Variants in KCNK17 observed in about 807,000 individuals in gnomAD.
KCNK17 encodes potassium channel subfamily K member 17.
A neutral mutation model predicts 24.6 loss-of-function variants in KCNK17; 27 were observed. The ratio of observed to expected loss-of-function variants is 1.10; its 90% CI spans 0.81 to 1.51. The LOEUF is 1.51. Among genes scored for constraint, KCNK17 ranks in the 40% most tolerant of loss-of-function variants. KCNK17 has a pLI of 0.00. For missense variants in KCNK17, 450 were observed against 436.6 expected (o/e 1.03, Z -0.27); for synonymous variants, 181 against 189.8 (o/e 0.95, Z 0.38).
intron 2 of KCNK17, among the ~76,000 whole-genome samples, chr6:39,304,897 T>C (rs1762009857): frequency 6.6e-6 from 1 of 152,236 alleles, no homozygotes; most frequent in Non-Finnish European, 1.5e-5. Flanking sequence ...TGCCATATTT[T>C]ACAGGCTGGA....
intron 4 of KCNK17, among the ~76,000 whole-genome samples, chr6:39,301,956 G>A (rs142269077): frequency 3.9e-5 from 6 of 152,242 alleles, no homozygotes; most frequent in African/African-American, 1.4e-4. Flanking sequence ...TCTGAAACAT[G>A]GGTGGTGTGA....
In KCNK17 at chr6:39,299,520, G is replaced by T. The variant is rs761776201; in HGVS notation, c.906C>A (p.Ser302=). ...QGPDREPESH[S]PQQGCYPEGP... ...CCTCTGGATAGCATCCTTGCTGTGG[G>T]GAGTGGGACTCTGGCTCCCGGTCAG... Residue 302 remains serine, a synonymous_variant, in exon 5 of 5, where the codon TCC becomes TCA. Transcript: ENST00000373231. The T allele has an allele frequency of 1.2e-6, 2 of 1,614,204 alleles. No homozygotes were observed. Among genetic ancestry groups the T allele is most frequent in the Admixed American group, 1.7e-5 (1 of 60,026 alleles).
chr6:39,313,731 C>T (rs1265731075), intron 1 of KCNK17, among the ~76,000 whole-genome samples: 1 of 151,786 alleles, frequency 6.6e-6, no homozygotes, highest in Non-Finnish European at 1.5e-5. Flanking sequence ...CGGGCGGGGC[C>T]GGTTACGCGC....
Position 39,304,019 on chromosome 6 carries a change from G to C in KCNK17, c.626C>G (p.Thr209Arg), listed in dbSNP as rs934201289. The C allele has an allele frequency of 6.2e-7, 1 of 1,613,942 alleles. No individual in the cohort carries two copies. Among genetic ancestry groups the C allele is most frequent in the East Asian group, 2.2e-5 (1 of 44,872 alleles). Residue 209 changes from threonine (T) to arginine (R), a missense_variant, in exon 4 of 5, where the codon ACA becomes AGA. Physicochemically the swap from Thr to Arg is moderately conservative, Grantham distance 71. Coordinates refer to ENST00000373231, the MANE Select transcript of KCNK17 (RefSeq NM_031460.4). ...LFSHMEGWSY[T>R]EGFYFAFITL... ...GATGAAGGCGAAGTAGAAGCCCTCT[G>C]TGTAGCTCCAGCCCTCCATGTGGGA...
chr6:39,299,550 C>T lies in KCNK17; in HGVS notation c.876G>A (p.Gln292=). The change falls in exon 5 of 5, where the codon CAG becomes CAA. Residue 292 remains glutamine, a synonymous_variant. Coordinates refer to ENST00000373231, the MANE Select transcript of KCNK17 (RefSeq NM_031460.4). ...KEDFKSQSWR[Q]GPDREPESHS... is the part of the protein sequence containing the mutation. ...GGGACTCTGGCTCCCGGTCAGGTCC[C>T]TGTCTCCAGCTTTGGGACTTGAAGT... 6.2e-7 allele frequency: 1 copy of T among 1,614,194 alleles called. No individual in the cohort carries two copies. Among genetic ancestry groups the T allele is most frequent in the Non-Finnish European group, 8.5e-7 (1 of 1,180,032 alleles).
chr6:39,312,361 T>C (rs1762154755), intron 1 of KCNK17, among the ~76,000 whole-genome samples: 1 of 151,504 alleles, frequency 6.6e-6, no homozygotes, highest in Non-Finnish European at 1.5e-5. Flanking sequence ...CACAGGAGTG[T>C]TGAGGAAGGG....
chr6:39,307,250 T>C (rs1420608504), intron 2 of KCNK17, among the ~76,000 whole-genome samples: 1 of 152,206 alleles, frequency 6.6e-6, no homozygotes, highest in Non-Finnish European at 1.5e-5. Flanking sequence ...ATCTGGTATA[T>C]ACAAGGTGCT....
intron 4 of KCNK17, chr6:39,300,420 G>T: frequency 6.9e-7 from 1 of 1,455,038 alleles, no homozygotes; most frequent in African/African-American, 1.4e-5. Flanking sequence ...CACCGTGCCC[G>T]GCCAGAAATC....
intron 3 of KCNK17, 64 bp downstream of exon 3, chr6:39,304,431 A>G: frequency 7.0e-7 from 1 of 1,435,996 alleles, no homozygotes; most frequent in Non-Finnish European, 9.8e-7. Flanking sequence ...AGTAACCCCA[A>G]TTCCCACCAC....
At position 39,310,879 on chromosome 6, in the gene KCNK17, CATCT is replaced by C; in HGVS notation, c.352+10_352+13del. 6.5e-7 allele frequency: 1 copy of C among 1,541,810 alleles called. No homozygotes were observed. Among genetic ancestry groups the C allele is most frequent in the Non-Finnish European group, 8.9e-7 (1 of 1,122,204 alleles). ...TCCCCCACCCCCATCCCCCTGGCCC[CATCT>C]GGCCCTTACCAATGGTGGTGATGGT... On this transcript the variant is annotated intron_variant, in intron 2 of 4. Transcript: ENST00000373231.
rs80287855 is a variant in KCNK17 at position 39,301,035 on chromosome 6, C to T, written c.689-1298G>A. 1.5e-3 allele frequency among the ~76,000 whole-genome samples: 235 copies of T among 152,308 alleles called. 1 individual carries two copies. Among genetic ancestry groups the T allele is most frequent in the African/African-American group, 5.5e-3 (230 of 41,560 alleles). The stretch of plus-strand genomic sequence containing the variant: ...CACATGGGCTGATGCAGCTCAAGTG[C>T]TCAGAATGGTGCCTGGTACATAACA... On this transcript the variant is annotated intron_variant, in intron 4 of 4. Coordinates refer to ENST00000373231, the MANE Select transcript of KCNK17 (RefSeq NM_031460.4).
At chr6:39,304,802 T>G in intron 2 of KCNK17, 147 bp from the exon 3 acceptor site, 1 of 829,258 alleles carries the variant, frequency 1.2e-6, no homozygotes, top group South Asian at 1.7e-5. Context: ...GGCCCTCCTT[T>G]TCTGTGCTGG....
intron 1 of KCNK17, among the ~76,000 whole-genome samples, chr6:39,312,664 C>T (rs1434143332): frequency 1.3e-5 from 2 of 152,184 alleles, no homozygotes; most frequent in African/African-American, 4.8e-5. Flanking sequence ...GGGTAAAGTA[C>T]CAGCAACAGT....
intron 1 of KCNK17, among the ~76,000 whole-genome samples, chr6:39,313,366 C>G (rs144549692): frequency 2.5e-4 from 38 of 152,348 alleles, no homozygotes; most frequent in African/African-American, 7.9e-4. Context: ...TGTCCGAAGA[C>G]TCGGAGTAAA....
chr6:39,300,444 G>A, intron 4 of KCNK17: 1 of 1,523,142 alleles, frequency 6.6e-7, no homozygotes, highest in Non-Finnish European at 8.9e-7. Flanking sequence ...ATTTTAACAA[G>A]CCCCCAGAGG....
chr6:39,301,292 TTCG>T (rs1412507169), intron 4 of KCNK17, among the ~76,000 whole-genome samples: 1 of 152,228 alleles, frequency 6.6e-6, no homozygotes, highest in Non-Finnish European at 1.5e-5. Context: ...CTCCTATTCC[TTCG>T]TCATCCTTTT....
chr6:39,300,533 G>C (rs1761935209), intron 4 of KCNK17: 1 of 1,550,634 alleles, frequency 6.4e-7, no homozygotes, highest in South Asian at 1.2e-5. Context: ...GCTGGAGCCA[G>C]GGGATTTGGG....
In KCNK17 at chr6:39,299,581, T is replaced by C; in HGVS notation, c.845A>G (p.Lys282Arg). 1 of 1,614,128 alleles carries C rather than the reference T, an allele frequency of 6.2e-7. No homozygotes were observed. The highest frequency in any genetic ancestry group is 1.1e-5 in the South Asian group (1 of 91,078). Residue 282 changes from lysine (K) to arginine (R), a missense_variant, in exon 5 of 5, where the codon AAG becomes AGG. Lys to Arg is a conservative substitution (Grantham distance 26, BLOSUM62 2). Transcript: ENST00000373231. Reference sequence around the variant, plus strand: ...CCAGCTTTGGGACTTGAAGTCTTCCTTAGAGCTGTGGTGGCAGCAGGAACA... The same window carrying C: ...CCAGCTTTGGGACTTGAAGTCTTCCCTAGAGCTGTGGTGGCAGCAGGAACA... The part of the protein sequence containing the change: ...RVCSCCHHSS[K>R]EDFKSQSWRQ...
At position 39,299,232 on chromosome 6, in the gene KCNK17, C is replaced by T; in HGVS notation, c.*195G>A. On this transcript the variant is annotated 3_prime_UTR_variant, in exon 5 of 5. Coordinates refer to ENST00000373231, the MANE Select transcript of KCNK17 (RefSeq NM_031460.4). The stretch of plus-strand genomic sequence containing the variant: ...GGAAGTGGGGGAGAAGGGCATGCTG[C>T]CCCGACACCCGAAAGTCACATCCCA... 1.7e-6 allele frequency: 1 copy of T among 573,840 alleles called. No individual in the cohort carries two copies. The highest frequency in any genetic ancestry group is 3.1e-6 in the Non-Finnish European group (1 of 325,248). The allele number at this position is 573,840 out of a possible 1,614,324, so 35.5% of individuals were successfully genotyped here.
Sources: gnomAD v4.1 joint callset for allele counts (sites outside exome capture counted in the v4.1 genomes callset) on GRCh38, gnomAD v4.1.1 for gene constraint, MANE v1.5 for transcripts, NCBI Gene and HGNC (gene_info 2026-07-23, HGNC 2026-07-21) for gene names.